TMEM181: variants seen among roughly 807,000 people sequenced by gnomAD.
TMEM181 encodes the protein transmembrane protein 181.
A neutral mutation model predicts 71.9 loss-of-function variants in TMEM181; 39 were observed. The observed-to-expected ratio is 0.54, with a 90% CI of 0.42 to 0.71. The LOEUF (loss-of-function observed/expected upper bound fraction) is 0.71. Ranked by LOEUF, TMEM181 falls within the 30% of genes least tolerant of loss-of-function variation. The pLI is 0.00. For synonymous variants in TMEM181, 245 were observed against 228.8 expected, an observed-to-expected ratio of 1.07 and a Z score of -0.64; for missense variants, 595 against 583.0, an observed-to-expected ratio of 1.02 and a Z score of -0.21.
intron 6 of TMEM181, among the ~76,000 whole-genome samples, chr6:158,596,453 G>C (rs1784395149): frequency 6.6e-6 from 1 of 152,128 alleles, no homozygotes; most frequent in Admixed American, 6.5e-5. Flanking sequence ...CTGCATTCCT[G>C]GAGTCTGGGC....
In TMEM181 at chr6:158,585,327, C is replaced by A; in HGVS notation, c.283C>A (p.Pro95Thr). The A allele has an allele frequency of 9.3e-6, 15 of 1,606,594 alleles. No individual in the cohort carries two copies. The highest frequency in any genetic ancestry group is 1.3e-5 in the Non-Finnish European group (15 of 1,178,014). Residue 95 changes from proline to threonine, a missense_variant, in exon 5 of 17, where the codon CCC becomes ACC. Pro to Thr is a conservative substitution (Grantham distance 38). Coordinates refer to ENST00000684151, the MANE Select transcript of TMEM181 (RefSeq NM_001376852.1). ...SKETSIKTSF[P>T]MTVKVDGVAQ... The stretch of plus-strand genomic sequence containing the variant: ...AGAAACTTCTATTAAGACAAGCTTT[C>A]CCATGACTGTTAAAGTCGATGGTGT...
intron 5 of TMEM181, among the ~76,000 whole-genome samples, chr6:158,588,174 A>C (rs1017595339): frequency 3.3e-5 from 5 of 152,240 alleles, no homozygotes; most frequent in African/African-American, 1.2e-4. Flanking sequence ...GGCATAGGAG[A>C]ATGGGAGGTG....
chr6:158,560,803 G>A (rs1414809944), intron 1 of TMEM181, among the ~76,000 whole-genome samples: 2 of 114,770 alleles, frequency 1.7e-5, no homozygotes, highest in Non-Finnish European at 3.5e-5. Context: ...TTTACGATCT[G>A]CTGACTTTGG....
chr6:158,589,987 A>G (rs1784015555), intron 6 of TMEM181, among the ~76,000 whole-genome samples: 1 of 152,206 alleles, frequency 6.6e-6, no homozygotes. Flanking sequence ...GATTGGGCAA[A>G]CCTTAGGTGT....
In TMEM181 at chr6:158,537,143, C is replaced by T. The variant is rs1251184139; in HGVS notation, c.131+278C>T. 2.0e-4 allele frequency among the ~76,000 whole-genome samples: 30 copies of T among 152,080 alleles called. No individual in the cohort carries two copies. In the South Asian group the frequency reaches 2.7e-3, roughly 14 times the overall value. Reference sequence around the variant, plus strand: ...GGCCGATTTCCGTTCAGCTGAAACCCAAGCCGAGGCTCCCGCCTCCCCGGA... The same window carrying T: ...GGCCGATTTCCGTTCAGCTGAAACCTAAGCCGAGGCTCCCGCCTCCCCGGA... On this transcript the variant is annotated intron_variant, in intron 1 of 16. Transcript: ENST00000367090.
intron 10 of TMEM181, chr6:158,611,480 A>G (rs1785307140): frequency 1.9e-6 from 1 of 528,472 alleles, no homozygotes. Context: ...CAGTCGTATC[A>G]TTCTGACTCT....
chr6:158,571,950 C>G (rs1347757063), intron 1 of TMEM181, among the ~76,000 whole-genome samples: 1 of 152,248 alleles, frequency 6.6e-6, no homozygotes, highest in Non-Finnish European at 1.5e-5. Flanking sequence ...TGAGTTGGGG[C>G]CAGGCCACCT....
intron 1 of TMEM181, among the ~76,000 whole-genome samples, chr6:158,537,849 A>G (rs542254553): frequency 6.6e-6 from 1 of 152,336 alleles, no homozygotes; most frequent in East Asian, 1.9e-4. Context: ...CTGCTCAGAA[A>G]AAGGCGTGTC....
chr6:158,562,798 T>C (rs188030230), intron 1 of TMEM181, among the ~76,000 whole-genome samples: 1 of 152,282 alleles, frequency 6.6e-6, no homozygotes, highest in East Asian at 1.9e-4. Flanking sequence ...TAACTGTGAG[T>C]GTTCACCATG....
chr6:158,623,265 A>C (rs1182140025), intron 10 of TMEM181, among the ~76,000 whole-genome samples: 1 of 152,236 alleles, frequency 6.6e-6, no homozygotes, highest in African/African-American at 2.4e-5. Context: ...ACAGCTCTTA[A>C]AACTGCAAGA....
intron 6 of TMEM181, among the ~76,000 whole-genome samples, chr6:158,603,753 A>T (rs1365056293): frequency 6.6e-6 from 1 of 151,978 alleles, no homozygotes; most frequent in Non-Finnish European, 1.5e-5. Context: ...TAATTTTGTC[A>T]TCTGTGATTT....
At chr6:158,622,064 G>C (rs994665139) in intron 10 of TMEM181, among the ~76,000 whole-genome samples, 1 of 152,088 alleles carries the variant, frequency 6.6e-6, no homozygotes, top group African/African-American at 2.4e-5. Flanking sequence ...CACCCGCCCT[G>C]CCTGCCCCGT....
intron 1 of TMEM181, among the ~76,000 whole-genome samples, chr6:158,543,041 A>C (rs1178045939): frequency 6.6e-6 from 1 of 151,012 alleles, no homozygotes; most frequent in Non-Finnish European, 1.5e-5. Context: ...ACGCCTGGCT[A>C]ATTTTTTGTA....
chr6:158,603,116 G>A (rs1010271349), intron 6 of TMEM181, among the ~76,000 whole-genome samples: 29 of 151,976 alleles, frequency 1.9e-4, no homozygotes, highest in African/African-American at 7.0e-4. Context: ...TCATCAAATC[G>A]GAAACATTTT....
intron 1 of TMEM181, among the ~76,000 whole-genome samples, chr6:158,551,684 A>AGT (rs1171402759): frequency 6.6e-6 from 1 of 152,246 alleles, no homozygotes; most frequent in East Asian, 1.9e-4. Flanking sequence ...CATCAATAAC[A>AGT]TATCTCTAAA....
chr6:158,583,001 G>T (rs868065617), intron 3 of TMEM181, among the ~76,000 whole-genome samples: 3 of 152,098 alleles, frequency 2.0e-5, no homozygotes, highest in Non-Finnish European at 2.9e-5. Flanking sequence ...TTGGGAGGCC[G>T]AGGTGGGCTG....
intron 1 of TMEM181, among the ~76,000 whole-genome samples, chr6:158,563,923 A>G (rs1227712261): frequency 6.6e-6 from 1 of 152,158 alleles, no homozygotes; most frequent in Admixed American, 6.5e-5. Flanking sequence ...CTGGAACTAC[A>G]GGTGCGCGCC....
intron 5 of TMEM181, among the ~76,000 whole-genome samples, chr6:158,585,913 C>T (rs1281323486): frequency 2.0e-5 from 3 of 152,314 alleles, no homozygotes; most frequent in African/African-American, 2.4e-5. Flanking sequence ...CAGCCTCAAA[C>T]TCCTGGGCTC....
intron 6 of TMEM181, among the ~76,000 whole-genome samples, chr6:158,596,585 A>G (rs1011517105): frequency 1.3e-5 from 2 of 152,144 alleles, no homozygotes; most frequent in African/African-American, 2.4e-5. Context: ...TGTTGATGAC[A>G]ATCAAATTCA....
Sources: allele counts gnomAD v4.1 joint callset (sites outside exome capture counted in the v4.1 genomes callset), GRCh38; gene constraint gnomAD v4.1.1; transcripts MANE v1.5; gene names NCBI Gene and HGNC (gene_info 2026-07-23, HGNC 2026-07-21).